Variants in LCOR observed in about 807,000 individuals in gnomAD.
LCOR encodes ligand dependent nuclear receptor corepressor, also known as ligand-dependent corepressor.
In LCOR, 14 loss-of-function variants were observed where a neutral mutation model predicts 64.4. That is an observed-to-expected ratio of 0.22 (90% CI 0.14 to 0.34). The LOEUF (loss-of-function observed/expected upper bound fraction) is 0.34. Among genes scored for constraint, LCOR ranks in the 10% least tolerant of loss-of-function variants. The probability of loss-of-function intolerance (pLI) is 1.00; values close to 1 mark genes in which losing one functional copy is unlikely to be tolerated. For synonymous variants in LCOR, 643 were observed against 642.5 expected, an observed-to-expected ratio of 1.00 and a Z score of -0.01; for missense variants, 1,686 against 1,765.3, an observed-to-expected ratio of 0.96 and a Z score of 0.80.
rs1443070923 is a variant in LCOR, at chr10:96,920,679, C to T, written c.-184+12932C>T. Among the ~76,000 whole-genome samples the T allele has an allele frequency of 6.0e-4, 70 of 116,050 alleles. 1 individual carries two copies. Among genetic ancestry groups the T allele is most frequent in the African/African-American group, 2.4e-3 (61 of 25,050 alleles). 76.1% of individuals were successfully genotyped at this position (116,050 alleles called of 152,430 possible). A position where few individuals can be genotyped will look rare whatever the true frequency, so the allele number is the denominator to read the frequency against. On this transcript the variant is annotated intron_variant, in intron 4 of 7. Transcript: ENST00000421806. Reference sequence around the variant, plus strand: ...GTATATATGTATATATGTATATATTCATATATGTGTATATATGTTCATATA... The same window carrying T: ...GTATATATGTATATATGTATATATTTATATATGTGTATATATGTTCATATA...
In LCOR at chr10:96,849,432, A is replaced by G. The variant is rs143416947; in HGVS notation, c.-330+15953A>G. ...GCCATGTCACCCAGGCTGGTCTTGA[A>G]CTCCTGACCTCAGGTGATTGGCCCG... On this transcript the variant is annotated intron_variant, in intron 2 of 7. Transcript: ENST00000421806. Among the ~76,000 whole-genome samples, 502 of 151,052 alleles carry G rather than the reference A, an allele frequency of 3.3e-3. 3 individuals carry two copies. Among genetic ancestry groups the G allele is most frequent in the African/African-American group, 0.012 (483 of 41,212 alleles).
chr10:96,921,995 C>T (rs1216108543), intron 4 of LCOR, among the ~76,000 whole-genome samples: 1 of 152,176 alleles, frequency 6.6e-6, no homozygotes, highest in Non-Finnish European at 1.5e-5. Flanking sequence ...GTTTTGAAAT[C>T]AGGAGGTGTC....
At chr10:96,862,886 T>C (rs181337655) in intron 2 of LCOR, among the ~76,000 whole-genome samples, 279 of 151,298 alleles carry the variant, frequency 1.8e-3, no homozygotes, top group Non-Finnish European at 3.0e-3. Context: ...TTCTTTTCTT[T>C]TTTTTTTTTT....
intron 2 of LCOR, among the ~76,000 whole-genome samples, chr10:96,861,726 AG>A (rs1190261909): frequency 3.3e-5 from 5 of 152,100 alleles, no homozygotes; most frequent in East Asian, 1.9e-4. Flanking sequence ...TTGTATTTTT[AG>A]TACAGATGGG....
chr10:96,893,239 C>T (rs1284144658), intron 2 of LCOR, among the ~76,000 whole-genome samples: 1 of 152,080 alleles, frequency 6.6e-6, no homozygotes, highest in Non-Finnish European at 1.5e-5. Flanking sequence ...ATTGTTTGTC[C>T]ATCAACACAG....
rs536118040 is a variant in LCOR at position 96,885,409 on chromosome 10, T to G, written c.-329-21856T>G. On this transcript the variant is annotated intron_variant, in intron 2 of 7. Transcript: ENST00000421806. ...TTGTTTTCGTTTTTTTGAGACAGGC[T>G]TTCACTCTGTTTCCCAGGCTGGAGT... 2.6e-4 allele frequency among the ~76,000 whole-genome samples: 40 copies of G among 152,282 alleles called. No individual in the cohort carries two copies. In the South Asian group the frequency reaches 8.1e-3, roughly 31 times the overall value.
chr10:96,870,075 G>A (rs986208049), intron 2 of LCOR, among the ~76,000 whole-genome samples: 12 of 151,954 alleles, frequency 7.9e-5, no homozygotes, highest in African/African-American at 2.7e-4. Context: ...TGTTTTTTGA[G>A]ATGGAGTCTC....
chr10:96,938,695 C>T (rs928362670), intron 4 of LCOR, among the ~76,000 whole-genome samples: 1 of 151,480 alleles, frequency 6.6e-6, no homozygotes, highest in African/African-American at 2.4e-5. Context: ...TCAGAATACC[C>T]GTCATTAAAA....
At chr10:96,891,530 C>CTTTTT (rs71007307) in intron 2 of LCOR, among the ~76,000 whole-genome samples, 3 of 7,644 alleles carry the variant, frequency 3.9e-4, no homozygotes, top group Non-Finnish European at 4.7e-4. Context: ...TGTCTTGACT[C>CTTTTT]TTTTTTTTTT....
intron 5 of LCOR, 51 bp downstream of exon 5, chr10:96,944,296 A>G (rs1847549589): frequency 1.1e-6 from 1 of 921,042 alleles, no homozygotes; most frequent in South Asian, 5.0e-5. Context: ...TGTATTATTG[A>G]TCTCCTTAAT....
intron 4 of LCOR, among the ~76,000 whole-genome samples, chr10:96,912,000 C>A (rs997538645): frequency 6.6e-6 from 1 of 151,864 alleles, no homozygotes; most frequent in Non-Finnish European, 1.5e-5. Context: ...GGCATGATCT[C>A]GGCTCACTGC....
At chr10:96,865,828 C>A (rs558524059) in intron 2 of LCOR, among the ~76,000 whole-genome samples, 5 of 147,944 alleles carry the variant, frequency 3.4e-5, no homozygotes, top group Non-Finnish European at 7.4e-5. Context: ...GAGCTGAGAT[C>A]GCGCCATTAC....
At chr10:96,972,373 G>T (rs1410639163) in intron 7 of LCOR, among the ~76,000 whole-genome samples, 1 of 151,964 alleles carries the variant, frequency 6.6e-6, no homozygotes, top group African/African-American at 2.4e-5. Flanking sequence ...AAATCAATTT[G>T]GTAGGGGAAA....
chr10:96,955,805 C>T (rs1303647279), intron 7 of LCOR: 2 of 1,614,038 alleles, frequency 1.2e-6, no homozygotes, highest in Non-Finnish European at 1.7e-6. Context: ...CTTTGAAAAA[C>T]CCTCCAAAGA....
chr10:96,920,432 G>A (rs199508886), intron 4 of LCOR, among the ~76,000 whole-genome samples: 10 of 3,056 alleles, frequency 3.3e-3, no homozygotes, highest in Admixed American at 6.8e-3. Context: ...TCATATATAT[G>A]TGTATATATG....
At chr10:96,968,083 A>C (rs1847966797) in intron 7 of LCOR, among the ~76,000 whole-genome samples, 2 of 152,238 alleles carry the variant, frequency 1.3e-5, no homozygotes, top group Non-Finnish European at 1.5e-5. Flanking sequence ...AAAAAACATT[A>C]AAATTTACCA....
In LCOR at chr10:96,980,708, A is replaced by G. The variant is rs1848076266; in HGVS notation, c.333-85A>G. On this transcript the variant is annotated intron_variant, in intron 7 of 7. Transcript: ENST00000421806. ...CAAAAAATAAATAAATAATAAAATGAATAACGTTGGGTGAATTTTATAATG... is the reference window on the plus strand; with the variant it reads ...CAAAAAATAAATAAATAATAAAATGGATAACGTTGGGTGAATTTTATAATG... 6 of 600,504 alleles carry G rather than the reference A, an allele frequency of 1.0e-5. No homozygotes were observed. In the East Asian group the frequency reaches 1.7e-4, roughly 17 times the overall value. 37.2% of individuals were successfully genotyped at this position (600,504 alleles called of 1,614,324 possible). A position where few individuals can be genotyped will look rare whatever the true frequency, so the allele number is the denominator to read the frequency against.
intron 4 of LCOR, among the ~76,000 whole-genome samples, chr10:96,926,461 A>G (rs1169740358): frequency 7.2e-5 from 11 of 152,190 alleles, no homozygotes; most frequent in African/African-American, 2.7e-4. Flanking sequence ...ACAAGCAAAA[A>G]TCATTTCTTT....
chr10:96,880,274 A>G (rs562416833), intron 2 of LCOR, among the ~76,000 whole-genome samples: 32 of 152,348 alleles, frequency 2.1e-4, no homozygotes, highest in Non-Finnish European at 4.3e-4. Context: ...AGTGTTTTAT[A>G]TCATTGGTTT....
Sources: gnomAD v4.1 joint callset for allele counts (sites outside exome capture counted in the v4.1 genomes callset) on GRCh38, gnomAD v4.1.1 for gene constraint, MANE v1.5 for transcripts, NCBI Gene and HGNC (gene_info 2026-07-23, HGNC 2026-07-21) for gene names.